Variants in NEDD9 observed in about 807,000 individuals in gnomAD.
NEDD9 encodes neural precursor cell expressed, developmentally down-regulated 9.
In NEDD9, 26 loss-of-function variants were observed where a neutral mutation model predicts 76.6. That is an observed-to-expected ratio of 0.34 (90% CI 0.25 to 0.47). NEDD9 has a LOEUF of 0.47. Among genes scored for constraint, NEDD9 ranks in the 20% least tolerant of loss-of-function variants. NEDD9 has a pLI of 1.00. For synonymous variants in NEDD9, 392 were observed against 414.2 expected (o/e 0.95, Z 0.65); for missense variants, 937 against 1,058.5 (o/e 0.89, Z 1.59).
intron 1 of NEDD9, among the ~76,000 whole-genome samples, chr6:11,336,316 G>A (rs975585333): frequency 6.6e-6 from 1 of 152,208 alleles, no homozygotes; most frequent in Non-Finnish European, 1.5e-5. Context: ...AGTGCATAGA[G>A]TGTACTCACA....
chr6:11,268,677 G>A (rs557716388), intron 3 of NEDD9, among the ~76,000 whole-genome samples: 1 of 151,944 alleles, frequency 6.6e-6, no homozygotes, highest in South Asian at 2.1e-4. Context: ...GCAGTGAGCC[G>A]AGATTGGGCC....
chr6:11,294,417 T>A (rs1760845760), intron 3 of NEDD9, among the ~76,000 whole-genome samples: 1 of 152,028 alleles, frequency 6.6e-6, no homozygotes. Flanking sequence ...GTGAGTAAGT[T>A]CTCATGAGAT....
intron 2 of NEDD9, chr6:11,200,090 T>G (rs562667700): frequency 4.6e-6 from 1 of 219,282 alleles, no homozygotes; most frequent in East Asian, 1.2e-4. Context: ...GCATTTGCTA[T>G]TTTTTGCTGA....
chr6:11,300,234 A>G (rs531219709), intron 3 of NEDD9, among the ~76,000 whole-genome samples: 23 of 152,366 alleles, frequency 1.5e-4, no homozygotes, highest in Admixed American at 1.5e-3. Context: ...TCAATAGCCT[A>G]TTCGATCAAG....
intron 2 of NEDD9, among the ~76,000 whole-genome samples, chr6:11,306,950 A>G (rs952606249): frequency 2.6e-5 from 4 of 152,094 alleles, no homozygotes; most frequent in Admixed American, 2.0e-4. Flanking sequence ...GTGTGTGTGT[A>G]TGTATGTGTA....
At chr6:11,317,637 T>A (rs1381289125) in intron 2 of NEDD9, among the ~76,000 whole-genome samples, 2 of 152,066 alleles carry the variant, frequency 1.3e-5, no homozygotes, top group African/African-American at 4.8e-5. Flanking sequence ...TGCCGCTGGG[T>A]TGACTTGTGA....
intron 3 of NEDD9, among the ~76,000 whole-genome samples, chr6:11,275,663 C>T (rs1345124910): frequency 6.6e-6 from 1 of 152,156 alleles, no homozygotes; most frequent in African/African-American, 2.4e-5. Context: ...AGGCAGCAAG[C>T]TCAGCACTTT....
At chr6:11,233,373 T>G (rs1460889602), upstream of NEDD9, 4 of 518,924 alleles carry the variant, frequency 7.7e-6, no homozygotes, top group African/African-American at 7.7e-5. Context: ...TCACACATAT[T>G]GAGCGACCTT....
chr6:11,273,946 T>C (rs11967893), intron 3 of NEDD9, among the ~76,000 whole-genome samples: 12,523 of 152,200 alleles, frequency 0.082, 606 homozygotes, highest in African/African-American at 0.15. Flanking sequence ...TACCTGAATG[T>C]CACGTCAACA....
intron 1 of NEDD9, among the ~76,000 whole-genome samples, chr6:11,222,440 G>C (rs1759169657): frequency 6.6e-6 from 1 of 152,224 alleles, no homozygotes; most frequent in Non-Finnish European, 1.5e-5. Context: ...CCACTAAGCT[G>C]TCTCAAGGAA....
chr6:11,329,279 T>A (rs16871271), intron 2 of NEDD9, among the ~76,000 whole-genome samples: 12,898 of 152,238 alleles, frequency 0.085, 1,383 homozygotes, highest in African/African-American at 0.25. Flanking sequence ...GAGGCAGTAA[T>A]GACATTCAGC....
chr6:11,240,894 G>A (rs1759696658), intron 3 of NEDD9, among the ~76,000 whole-genome samples: 1 of 152,200 alleles, frequency 6.6e-6, no homozygotes, highest in Non-Finnish European at 1.5e-5. Context: ...CCCCAGCTAG[G>A]TAAAGGCATA....
At chr6:11,274,835 T>C (rs951417594) in intron 3 of NEDD9, among the ~76,000 whole-genome samples, 1 of 152,172 alleles carries the variant, frequency 6.6e-6, no homozygotes, top group African/African-American at 2.4e-5. Flanking sequence ...AAAATAGGAC[T>C]ACCATATGAC....
In NEDD9 at chr6:11,190,273, C is replaced by T; in HGVS notation, c.1596G>A (p.Val532=). 6.2e-7 allele frequency: 1 copy of T among 1,614,250 alleles called. No homozygotes were observed. The highest frequency in any genetic ancestry group is 8.5e-7 in the Non-Finnish European group (1 of 1,180,052). ...QNKCDDLDRF[V]MVAKTVPDDA... The stretch of plus-strand genomic sequence containing the variant: ...CATCGGGCACCGTCTTTGCCACCAT[C>T]ACAAACCGGTCCAGATCGTCACACT... Residue 532 remains valine, a synonymous_variant, in exon 5 of 7, where the codon GTG becomes GTA. Transcript: ENST00000379446. The surrounding 1 kb of genome is among the most constrained non-coding windows in gnomAD (Gnocchi z 5.8).
intron 1 of NEDD9, among the ~76,000 whole-genome samples, chr6:11,380,116 C>T (rs138154468): frequency 6.6e-6 from 1 of 152,332 alleles, no homozygotes; most frequent in East Asian, 1.9e-4. Flanking sequence ...TCCCCCACTA[C>T]AACCCTTGAA....
upstream of NEDD9, among the ~76,000 whole-genome samples, chr6:11,234,900 C>T (rs192720100): frequency 2.5e-3 from 387 of 152,002 alleles, 1 homozygote; most frequent in South Asian, 3.3e-3. Context: ...TTAGTAGAGA[C>T]GGGGTTTCAC....
intron 2 of NEDD9, among the ~76,000 whole-genome samples, chr6:11,197,895 G>A (rs1321678486): frequency 6.6e-6 from 1 of 152,136 alleles, no homozygotes; most frequent in Non-Finnish European, 1.5e-5. Context: ...GAGAGAGATA[G>A]GGAGGTCTGA....
At position 11,184,132 on chromosome 6, in the gene NEDD9, G is replaced by C. The variant is rs988272641; in HGVS notation, c.*1030C>G. The C allele has an allele frequency of 2.8e-4, 42 of 152,322 alleles. No homozygotes were observed. Among genetic ancestry groups the C allele is most frequent in the African/African-American group, 6.0e-4 (25 of 41,572 alleles). The allele number at this position is 152,322 out of a possible 1,614,324, so 9.4% of individuals were successfully genotyped here. On this transcript the variant is annotated 3_prime_UTR_variant, in exon 7 of 7. Coordinates refer to ENST00000379446, the MANE Select transcript of NEDD9 (RefSeq NM_006403.4). ...CAAGATAGCAATAAATTCCCTTAGA[G>C]AGCAGGATATGTCCTGGTAGCTCTA...
chr6:11,301,450 C>A (rs1337581977), intron 3 of NEDD9, among the ~76,000 whole-genome samples: 1 of 152,186 alleles, frequency 6.6e-6, no homozygotes, highest in Non-Finnish European at 1.5e-5. Flanking sequence ...CAGTATTAGA[C>A]AGATCAATGA....
Sources: gnomAD v4.1 joint callset for allele counts (sites outside exome capture counted in the v4.1 genomes callset) on GRCh38, gnomAD v4.1.1 for gene constraint, Gnocchi (gnomAD v3.1) non-coding constraint, MANE v1.5 for transcripts, NCBI Gene and HGNC (gene_info 2026-07-23, HGNC 2026-07-21) for gene names.